Variants in MIPOL1 observed in about 807,000 individuals in gnomAD.
MIPOL1 encodes mirror-image polydactyly gene 1 protein.
MIPOL1 carries 57 observed loss-of-function variants against 60.9 expected under a neutral mutation model. The observed-to-expected ratio is 0.94, with a 90% CI of 0.76 to 1.17. The LOEUF (loss-of-function observed/expected upper bound fraction) is 1.17. MIPOL1 is among the 50% of genes most tolerant of loss of function. MIPOL1 has a pLI of 0.00. For synonymous variants in MIPOL1, 179 were observed against 168.8 expected, an observed-to-expected ratio of 1.06 and a Z score of -0.47; for missense variants, 551 against 511.6, an observed-to-expected ratio of 1.08 and a Z score of -0.74.
chr14:37,385,382 T>G (rs1595522206), intron 10 of MIPOL1: 1 of 152,186 alleles, frequency 6.6e-6, no homozygotes, highest in East Asian at 1.9e-4. Context: ...TTTCGGGTAT[T>G]GCTTTAAAAA....
chr14:37,356,502 C>T (rs1021379672), intron 9 of MIPOL1, among the ~76,000 whole-genome samples: 1 of 152,180 alleles, frequency 6.6e-6, no homozygotes, highest in Non-Finnish European at 1.5e-5. Flanking sequence ...GCCCCTCCCC[C>T]AGCCTCGCTG....
At chr14:37,294,123 C>T (rs574491537) in intron 7 of MIPOL1, among the ~76,000 whole-genome samples, 11 of 152,238 alleles carry the variant, frequency 7.2e-5, no homozygotes, top group South Asian at 2.1e-4. Context: ...TCTAGAGGAA[C>T]GATCAGGCAG....
chr14:37,523,586 T>C, intron 12 of MIPOL1: 1 of 402,210 alleles, frequency 2.5e-6, no homozygotes, highest in East Asian at 3.6e-5. Context: ...ATTTAAATAT[T>C]TTTCTGTCAT....
intron 9 of MIPOL1, among the ~76,000 whole-genome samples, chr14:37,354,028 T>C (rs1232250605): frequency 2.0e-5 from 3 of 151,880 alleles, no homozygotes; most frequent in African/African-American, 7.3e-5. Context: ...TTTCCTGCTT[T>C]CTCTTGTGGG....
chr14:37,499,818 A>C (rs2095188867), intron 11 of MIPOL1, 90 bp from the exon 12 acceptor site: 5 of 556,450 alleles, frequency 9.0e-6, no homozygotes, highest in Non-Finnish European at 1.2e-5. Context: ...TTTTAGAACT[A>C]GAGATTCTAA....
intron 1 of MIPOL1, among the ~76,000 whole-genome samples, chr14:37,235,775 A>C (rs1028958121): frequency 6.6e-6 from 1 of 152,022 alleles, no homozygotes; most frequent in East Asian, 1.9e-4. Flanking sequence ...GATAACCTCT[A>C]TTCTACTTTC....
At chr14:37,518,219 G>T (rs1462578472) in intron 12 of MIPOL1, among the ~76,000 whole-genome samples, 1 of 151,880 alleles carries the variant, frequency 6.6e-6, no homozygotes, top group African/African-American at 2.4e-5. Flanking sequence ...GTATATTGTT[G>T]GATTGAGCAA....
intron 10 of MIPOL1, among the ~76,000 whole-genome samples, chr14:37,383,222 G>A (rs1253512400): frequency 6.6e-6 from 1 of 151,786 alleles, no homozygotes; most frequent in Admixed American, 6.6e-5. Context: ...GTGTAATCCA[G>A]TATCTTGTTT....
chr14:37,200,687 T>A (rs955099358), intron 1 of MIPOL1, among the ~76,000 whole-genome samples: 1 of 148,118 alleles, frequency 6.8e-6, no homozygotes, highest in Non-Finnish European at 1.5e-5. Flanking sequence ...TTTTTTTTTT[T>A]AACACAGTCC....
chr14:37,272,776 A>G (rs1471567184), intron 6 of MIPOL1, among the ~76,000 whole-genome samples: 1 of 151,588 alleles, frequency 6.6e-6, no homozygotes, highest in African/African-American at 2.4e-5. Flanking sequence ...ATATGTTATA[A>G]GCACGCACAC....
At chr14:37,285,684 C>G (rs536242485) in intron 7 of MIPOL1, among the ~76,000 whole-genome samples, 1 of 151,910 alleles carries the variant, frequency 6.6e-6, no homozygotes, top group South Asian at 2.1e-4. Flanking sequence ...CTCCGCCTCC[C>G]GGGTTCAAGT....
intron 12 of MIPOL1, among the ~76,000 whole-genome samples, chr14:37,525,528 A>G (rs950685425): frequency 3.3e-5 from 5 of 152,200 alleles, no homozygotes; most frequent in Admixed American, 2.6e-4. Context: ...TTGTTCACCT[A>G]CTAAAGGAAT....
At chr14:37,259,126 T>A (rs1257093832) in intron 3 of MIPOL1, among the ~76,000 whole-genome samples, 1 of 152,140 alleles carries the variant, frequency 6.6e-6, no homozygotes, top group Non-Finnish European at 1.5e-5. Context: ...AGTTATGTGA[T>A]ATTGACAGAT....
At chr14:37,213,467 A>T (rs1967053301) in intron 1 of MIPOL1, among the ~76,000 whole-genome samples, 1 of 152,208 alleles carries the variant, frequency 6.6e-6, no homozygotes, top group Non-Finnish European at 1.5e-5. Flanking sequence ...GAAGTTGTCA[A>T]GTAGGAGAAA....
At chr14:37,397,605 C>G (rs992324680) in intron 10 of MIPOL1, among the ~76,000 whole-genome samples, 3 of 152,062 alleles carry the variant, frequency 2.0e-5, no homozygotes, top group Non-Finnish European at 4.4e-5. Context: ...ATAGGGAAGG[C>G]CCATCAGGTG....
intron 9 of MIPOL1, among the ~76,000 whole-genome samples, chr14:37,333,740 GAGAACTA>G (rs2089907844): frequency 1.3e-5 from 2 of 152,022 alleles, no homozygotes; most frequent in Non-Finnish European, 2.9e-5. Flanking sequence ...CAAAAACTGA[GAGAACTA>G]AGGGAAGAAA....
intron 1 of MIPOL1, among the ~76,000 whole-genome samples, chr14:37,213,290 G>T (rs1054771123): frequency 1.3e-5 from 2 of 152,196 alleles, no homozygotes; most frequent in African/African-American, 4.8e-5. Context: ...CAAAATAGCT[G>T]TGTTGAGGCC....
intron 12 of MIPOL1, chr14:37,501,615 A>C (rs144857092): frequency 2.8e-4 from 43 of 152,276 alleles, no homozygotes; most frequent in African/African-American, 9.6e-4. Context: ...AAATTAAATA[A>C]CTTTACTGAA....
In MIPOL1 at chr14:37,330,768, G is replaced by A. The variant is rs562312149; in HGVS notation, c.828+22249G>A. Among the ~76,000 whole-genome samples the A allele has an allele frequency of 2.2e-5, 3 of 134,886 alleles. No homozygotes were observed. In the Admixed American group the frequency reaches 2.4e-4, roughly 11 times the overall value. The allele number at this position is 134,886 out of a possible 152,430, so 88.5% of individuals were successfully genotyped here. ...TTCCTCAGACTTATCATTCTACCCT[G>A]TCCTTCTTTTACCACTAAAATACAC... On this transcript the variant is annotated intron_variant, in intron 9 of 12. Transcript: ENST00000684589.
Sources: gnomAD v4.1 joint callset for allele counts (sites outside exome capture counted in the v4.1 genomes callset) on GRCh38, gnomAD v4.1.1 for gene constraint, MANE v1.5 for transcripts, NCBI Gene and HGNC (gene_info 2026-07-23, HGNC 2026-07-21) for gene names.